The following CNTNAP2 variants were observed in gnomAD, a reference collection of about 807,000 sequenced individuals.
CNTNAP2 encodes the protein contactin associated protein 2, also known as contactin-associated protein-like 2.
In CNTNAP2, 98 loss-of-function variants were observed where a neutral mutation model predicts 155.2. That is an observed-to-expected ratio of 0.63 (90% confidence interval 0.54 to 0.75). The LOEUF (loss-of-function observed/expected upper bound fraction) is 0.75. Ranked by LOEUF, CNTNAP2 falls within the 30% of genes least tolerant of loss-of-function variation. CNTNAP2 has a pLI of 0.00. For synonymous variants in CNTNAP2, 651 were observed against 631.2 expected, an observed-to-expected ratio of 1.03 and a Z score of -0.47; for missense variants, 1,727 against 1,688.1, an observed-to-expected ratio of 1.02 and a Z score of -0.40.
intron 1 of CNTNAP2, among the ~76,000 whole-genome samples, chr7:146,422,620 T>C (rs1324888624): frequency 6.6e-6 from 1 of 151,932 alleles, no homozygotes. Context: ...CTAATACCAA[T>C]GCTGTTTTAT....
chr7:147,413,487 C>T (rs561537463), intron 10 of CNTNAP2, among the ~76,000 whole-genome samples: 1 of 152,242 alleles, frequency 6.6e-6, no homozygotes, highest in East Asian at 1.9e-4. Context: ...AAGAGGAGTA[C>T]TCTCAATAAC....
chr7:146,246,875 C>T (rs978795475), intron 1 of CNTNAP2, among the ~76,000 whole-genome samples: 15 of 152,272 alleles, frequency 9.9e-5, no homozygotes, highest in African/African-American at 2.9e-4. Context: ...TCTGGAGGAA[C>T]GCCTGGTCGC....
chr7:147,227,956 A>G, intron 8 of CNTNAP2, among the ~76,000 whole-genome samples: 1 of 152,174 alleles, frequency 6.6e-6, no homozygotes, highest in Admixed American at 6.5e-5. Context: ...TTTGCACTCT[A>G]ATATTAATCG....
At chr7:147,603,346 T>C (rs1208540232) in intron 12 of CNTNAP2, among the ~76,000 whole-genome samples, 1 of 152,204 alleles carries the variant, frequency 6.6e-6, no homozygotes, top group East Asian at 1.9e-4. Context: ...TGTTTTTTTC[T>C]TGTAAATTTG....
At chr7:147,987,048 T>C (rs1329630301) in intron 15 of CNTNAP2, among the ~76,000 whole-genome samples, 4 of 152,176 alleles carry the variant, frequency 2.6e-5, no homozygotes, top group African/African-American at 4.8e-5. Flanking sequence ...CATGGGCTAC[T>C]AACAACTGAG....
At chr7:147,582,973 T>C (rs528331287) in intron 12 of CNTNAP2, among the ~76,000 whole-genome samples, 3 of 152,220 alleles carry the variant, frequency 2.0e-5, no homozygotes, top group Admixed American at 2.0e-4. Context: ...GGCAGAAACA[T>C]GTATATGTGT....
chr7:146,430,807 T>G (rs2129116863), intron 1 of CNTNAP2, among the ~76,000 whole-genome samples: 1 of 152,182 alleles, frequency 6.6e-6, no homozygotes, highest in East Asian at 1.9e-4. Context: ...TGATTAATTT[T>G]TCCTTGATTT....
At chr7:148,346,396 A>AT (rs1400809257) in intron 21 of CNTNAP2, among the ~76,000 whole-genome samples, 1 of 152,188 alleles carries the variant, frequency 6.6e-6, no homozygotes, top group Non-Finnish European at 1.5e-5. Flanking sequence ...TTAAAAGTAC[A>AT]TTTTTTAGGA....
chr7:148,242,166 T>G (rs1348766215), intron 20 of CNTNAP2, among the ~76,000 whole-genome samples: 1 of 152,218 alleles, frequency 6.6e-6, no homozygotes, highest in Admixed American at 6.5e-5. Flanking sequence ...TACTGTTATA[T>G]CCATCTGCAG....
intron 13 of CNTNAP2, among the ~76,000 whole-genome samples, chr7:147,787,317 G>A (rs1797756196): frequency 6.6e-6 from 1 of 152,170 alleles, no homozygotes; most frequent in South Asian, 2.1e-4. Context: ...TATCAGCCAG[G>A]TACAGCTCAC....
intron 12 of CNTNAP2, among the ~76,000 whole-genome samples, chr7:147,633,743 C>G (rs1795129454): frequency 6.6e-6 from 1 of 152,158 alleles, no homozygotes; most frequent in African/African-American, 2.4e-5. Flanking sequence ...TTGCTCAACT[C>G]TCATTCTCTC....
chr7:147,772,781 T>C (rs954861486), intron 13 of CNTNAP2, among the ~76,000 whole-genome samples: 2 of 151,966 alleles, frequency 1.3e-5, no homozygotes, highest in African/African-American at 2.4e-5. Context: ...CACATTGCCT[T>C]TAGAGACATC....
At chr7:148,388,473 C>T (rs1437939983) in intron 22 of CNTNAP2, among the ~76,000 whole-genome samples, 1 of 152,070 alleles carries the variant, frequency 6.6e-6, no homozygotes, top group South Asian at 2.1e-4. Flanking sequence ...AGGACATGAA[C>T]TCATCATTTT....
chr7:147,972,873 C>T (rs966379127), intron 14 of CNTNAP2, among the ~76,000 whole-genome samples: 6 of 152,100 alleles, frequency 3.9e-5, no homozygotes, highest in African/African-American at 1.4e-4. Context: ...AAAGGTATTT[C>T]AGAGGACCCC....
chr7:147,756,641 A>C (rs1797217094), intron 13 of CNTNAP2, among the ~76,000 whole-genome samples: 1 of 152,244 alleles, frequency 6.6e-6, no homozygotes, highest in Non-Finnish European at 1.5e-5. Context: ...TTTTAAGAAA[A>C]AAATACTACT....
intron 1 of CNTNAP2, among the ~76,000 whole-genome samples, chr7:146,294,672 C>T (rs1477399241): frequency 6.6e-6 from 1 of 152,110 alleles, no homozygotes; most frequent in Non-Finnish European, 1.5e-5. Flanking sequence ...CCACTATAGA[C>T]TTTTATTTTT....
chr7:147,062,738 T>C (rs1339186860), intron 4 of CNTNAP2, among the ~76,000 whole-genome samples: 1 of 152,190 alleles, frequency 6.6e-6, no homozygotes, highest in Non-Finnish European at 1.5e-5. Flanking sequence ...TTCCCTTTGG[T>C]AGTGCATAGA....
At chr7:147,407,467 CAAAAAAAAAAAAAAAAA>C (rs768738493) in intron 10 of CNTNAP2, among the ~76,000 whole-genome samples, 5 of 64,904 alleles carry the variant, frequency 7.7e-5, no homozygotes, top group Admixed American at 4.7e-4. Context: ...GACTCCCTCT[CAAAAAAAAAAAAAAAAA>C]AAAAAAAAAA....
At chr7:148,192,830 A>T (rs1345711931) in intron 18 of CNTNAP2, among the ~76,000 whole-genome samples, 2 of 152,182 alleles carry the variant, frequency 1.3e-5, no homozygotes, top group Non-Finnish European at 2.9e-5. Context: ...TTGCTTTCTT[A>T]TGAAATATGA....
Sources: gnomAD v4.1 joint callset for allele counts (sites outside exome capture counted in the v4.1 genomes callset) on GRCh38, gnomAD v4.1.1 for gene constraint, MANE v1.5 for transcripts, NCBI Gene and HGNC (gene_info 2026-07-23, HGNC 2026-07-21) for gene names.